The following DAB1 variants were observed in gnomAD, a reference collection of about 807,000 sequenced individuals.
The protein encoded by DAB1 is DAB adaptor protein 1.
DAB1 carries 15 observed loss-of-function variants against 64.6 expected under a neutral mutation model. The observed-to-expected ratio is 0.23, with a 90% CI of 0.16 to 0.36. The LOEUF is 0.36. Ranked by LOEUF, DAB1 falls within the 10% of genes least tolerant of loss-of-function variation. DAB1 has a pLI of 1.00. For missense variants in DAB1, 596 were observed against 706.7 expected (o/e 0.84, Z 1.78); for synonymous variants, 235 against 251.9 (o/e 0.93, Z 0.64).
At position 57,476,270 on chromosome 1, in the gene DAB1, T is replaced by C. The variant is rs61572023; in HGVS notation, n.625+173322A>G. ...AAACAAAAACAAAAAAAAACCAGTA[T>C]AGTCATGAATGGAAAATGGGGAAAA... is the stretch of plus-strand genomic sequence containing the variant. On this transcript the variant is annotated intron_variant and non_coding_transcript_variant, in intron 7 of 20. Transcript: ENST00000485760. 2.7e-3 allele frequency among the ~76,000 whole-genome samples: 398 copies of C among 149,964 alleles called. 2 individuals carry two copies. The highest frequency in any genetic ancestry group is 9.1e-3 in the African/African-American group (370 of 40,720).
intron 5 of DAB1, among the ~76,000 whole-genome samples, chr1:58,103,399 C>G (rs1345221642): frequency 6.6e-6 from 1 of 152,122 alleles, no homozygotes; most frequent in African/African-American, 2.4e-5. Context: ...TGCAACTACT[C>G]AACCTTTGTC....
intron 3 of DAB1, among the ~76,000 whole-genome samples, chr1:58,432,430 C>T (rs6587814): frequency 0.15 from 22,755 of 152,146 alleles, 2,182 homozygotes; most frequent in Non-Finnish European, 0.21. Flanking sequence ...ACAATGTCTC[C>T]TGACACATGG....
At chr1:58,313,973 T>C (rs1662492728) in intron 4 of DAB1, among the ~76,000 whole-genome samples, 1 of 152,072 alleles carries the variant, frequency 6.6e-6, no homozygotes, top group South Asian at 2.1e-4. Context: ...ATGAATTTGG[T>C]GGGTACCCAA....
chr1:58,237,874 T>C (rs560005521), intron 4 of DAB1, among the ~76,000 whole-genome samples: 2 of 152,242 alleles, frequency 1.3e-5, no homozygotes, highest in African/African-American at 2.4e-5. Context: ...ATAATCATGA[T>C]AATCTTATCA....
chr1:57,248,034 G>A (rs1349300327), intron 2 of DAB1, among the ~76,000 whole-genome samples: 5 of 152,164 alleles, frequency 3.3e-5, no homozygotes, highest in African/African-American at 4.8e-5. Flanking sequence ...AGGGGGATTA[G>A]TTCCAGGACC....
At chr1:58,453,661 A>C (rs1012315058) in intron 3 of DAB1, among the ~76,000 whole-genome samples, 2 of 152,212 alleles carry the variant, frequency 1.3e-5, no homozygotes, top group Non-Finnish European at 2.9e-5. Flanking sequence ...TTGCCTCTGC[A>C]GAAACACTTC....
Position 56,996,362 on chromosome 1 carries a change from T to C in DAB1, c.*1782A>G, listed in dbSNP as rs188438251. 174 of 152,294 alleles carry C rather than the reference T, an allele frequency of 1.1e-3. 2 individuals are homozygous for C. The highest frequency in any genetic ancestry group is 3.9e-3 in the African/African-American group (161 of 41,570). The allele number at this position is 152,294 out of a possible 1,614,324, so 9.4% of individuals were successfully genotyped here. ...ACACTTTCAACATACTGTAACTGCA[T>C]AGGAACATCAGGAAAACACACTTGA... On this transcript the variant is annotated 3_prime_UTR_variant, in exon 15 of 15. Transcript: ENST00000371236.
intron 7 of DAB1, among the ~76,000 whole-genome samples, chr1:57,602,162 CT>C (rs2101586766): frequency 6.6e-6 from 1 of 152,264 alleles, no homozygotes; most frequent in African/African-American, 2.4e-5. Context: ...CCTTTATCAT[CT>C]TTTCTTCCAT....
intron 4 of DAB1, among the ~76,000 whole-genome samples, chr1:57,101,494 G>A (rs1021921377): frequency 2.0e-5 from 3 of 152,144 alleles, no homozygotes; most frequent in Admixed American, 1.3e-4. Context: ...TGTCTCTCCC[G>A]ATAGCTATCT....
At chr1:58,442,218 G>A (rs542986001) in intron 3 of DAB1, among the ~76,000 whole-genome samples, 4 of 152,316 alleles carry the variant, frequency 2.6e-5, no homozygotes, top group African/African-American at 9.6e-5. Context: ...CAAGTTGGAG[G>A]TTTCCCAAGC....
chr1:58,024,851 C>T (rs1646866214), intron 5 of DAB1, among the ~76,000 whole-genome samples: 1 of 152,194 alleles, frequency 6.6e-6, no homozygotes, highest in Admixed American at 6.5e-5. Flanking sequence ...TTCTGCCTGA[C>T]TGCCTTCACC....
At chr1:58,175,309 A>G (rs1370577436) in intron 4 of DAB1, among the ~76,000 whole-genome samples, 3 of 152,194 alleles carry the variant, frequency 2.0e-5, no homozygotes, top group African/African-American at 7.2e-5. Flanking sequence ...AGTCAGCGAG[A>G]CCACGAACCC....
chr1:58,234,959 T>C (rs1659950836), intron 4 of DAB1, among the ~76,000 whole-genome samples: 1 of 152,214 alleles, frequency 6.6e-6, no homozygotes, highest in African/African-American at 2.4e-5. Context: ...AAGTACAGGA[T>C]AGACTTGCTT....
At position 58,398,427 on chromosome 1, in the gene DAB1, G is replaced by C. The variant is rs115501011; in HGVS notation, n.258-55024C>G. 3.1e-3 allele frequency among the ~76,000 whole-genome samples: 468 copies of C among 152,322 alleles called. 6 individuals are homozygous for C. Among genetic ancestry groups the C allele is most frequent in the African/African-American group, 0.01 (429 of 41,554 alleles). Reference sequence around the variant, plus strand: ...TCCTCTCCACGTTAGAGACGGAAGGGAGGCTCCATGCCCGTCCAAGCCACA... The same window carrying C: ...TCCTCTCCACGTTAGAGACGGAAGGCAGGCTCCATGCCCGTCCAAGCCACA... On this transcript the variant is annotated intron_variant and non_coding_transcript_variant, in intron 3 of 20. Coordinates refer to the DAB1 transcript ENST00000485760.
chr1:57,807,474 A>G (rs1569743763), intron 6 of DAB1, among the ~76,000 whole-genome samples: 1 of 152,048 alleles, frequency 6.6e-6, no homozygotes, highest in East Asian at 1.9e-4. Context: ...CAATTAAATC[A>G]TTTTCTTCTT....
At chr1:57,597,214 G>A (rs1392072640) in intron 7 of DAB1, among the ~76,000 whole-genome samples, 1 of 152,158 alleles carries the variant, frequency 6.6e-6, no homozygotes, top group African/African-American at 2.4e-5. Flanking sequence ...ATCAAAGCCT[G>A]CCTGATTGTC....
chr1:58,213,221 T>C (rs965811799), intron 4 of DAB1, among the ~76,000 whole-genome samples: 2 of 152,166 alleles, frequency 1.3e-5, no homozygotes, highest in African/African-American at 4.8e-5. Flanking sequence ...TTGGCCTCAG[T>C]TTCCACATCT....
intron 5 of DAB1, among the ~76,000 whole-genome samples, chr1:58,081,008 C>G (rs1649962938): frequency 6.6e-6 from 1 of 152,208 alleles, no homozygotes; most frequent in South Asian, 2.1e-4. Context: ...CATACCTGCT[C>G]AGCTCCAAAG....
chr1:58,452,682 T>C (rs706451), intron 3 of DAB1, among the ~76,000 whole-genome samples: 121,283 of 149,402 alleles, frequency 0.81, 50,595 homozygotes, highest in African/African-American at 0.95. Flanking sequence ...AAAAATTAGC[T>C]GGGCATGATG....
Sources: gnomAD v4.1 joint callset for allele counts (sites outside exome capture counted in the v4.1 genomes callset) on GRCh38, gnomAD v4.1.1 for gene constraint, MANE v1.5 for transcripts, NCBI Gene and HGNC (gene_info 2026-07-23, HGNC 2026-07-21) for gene names.